Variants in IBTK observed in about 807,000 individuals in gnomAD.
IBTK encodes the protein BTK-binding protein.
A neutral mutation model predicts 154.9 loss-of-function variants in IBTK; 83 were observed. The observed-to-expected ratio is 0.54, with a 90% CI of 0.45 to 0.64. IBTK has a LOEUF of 0.64. Among genes scored for constraint, IBTK ranks in the 30% least tolerant of loss-of-function variants. IBTK has a pLI of 0.00. For synonymous variants in IBTK, 515 were observed against 536.1 expected, an observed-to-expected ratio of 0.96 and a Z score of 0.54; for missense variants, 1,332 against 1,584.6, an observed-to-expected ratio of 0.84 and a Z score of 2.71.
intron 5 of IBTK, among the ~76,000 whole-genome samples, chr6:82,226,276 T>C (rs1325249248): frequency 6.6e-6 from 1 of 152,130 alleles, no homozygotes; most frequent in African/African-American, 2.4e-5. Context: ...GCATAAACAA[T>C]GCTTGGAACA....
intron 6 of IBTK, 46 bp from the exon 7 acceptor site, chr6:82,224,231 C>T (rs1474068068): frequency 2.3e-6 from 3 of 1,332,012 alleles, no homozygotes; most frequent in Admixed American, 1.7e-5. Context: ...TATTTATGAC[C>T]TAGTACAATT....
intron 23 of IBTK, among the ~76,000 whole-genome samples, chr6:82,192,997 T>G (rs1768832811): frequency 1.3e-5 from 2 of 149,338 alleles, no homozygotes; most frequent in South Asian, 2.1e-4. Flanking sequence ...ACTCGGGAGG[T>G]TGAGGCAGGA....
At chr6:82,188,411 T>C (rs1446135090) in intron 25 of IBTK, among the ~76,000 whole-genome samples, 1 of 152,224 alleles carries the variant, frequency 6.6e-6, no homozygotes, top group African/African-American at 2.4e-5. Context: ...TACTCTGTAG[T>C]ATTCTACTAT....
At chr6:82,209,702 T>C (rs997683731) in intron 16 of IBTK, among the ~76,000 whole-genome samples, 8 of 152,208 alleles carry the variant, frequency 5.3e-5, no homozygotes, top group Non-Finnish European at 1.0e-4. Context: ...TTTAAAAGTA[T>C]AAGTTTTATC....
At chr6:82,212,209 C>T (rs1293840313) in intron 13 of IBTK, among the ~76,000 whole-genome samples, 1 of 152,106 alleles carries the variant, frequency 6.6e-6, no homozygotes, top group African/African-American at 2.4e-5. Context: ...GTTAATCAGG[C>T]TCTTGACCTC....
Position 82,234,121 on chromosome 6 carries a change from G to A in IBTK, c.418+38C>T, listed in dbSNP as rs569908483. 3.9e-6 allele frequency: 4 copies of A among 1,037,874 alleles called. No individual in the cohort carries two copies. The African/African-American group carries it at 6.4e-5, about 17-fold the overall frequency. The allele number at this position is 1,037,874 out of a possible 1,614,324, so 64.3% of individuals were successfully genotyped here. On this transcript the variant is annotated intron_variant, in intron 3 of 28. Transcript: ENST00000306270. ...ACCAAATTGCTGGGATTACAGGTGT[G>A]AGCCGCAGCGCCCAGCCCATTTGTG...
chr6:82,239,948 T>C (rs182114568), intron 2 of IBTK, among the ~76,000 whole-genome samples: 7 of 152,348 alleles, frequency 4.6e-5, no homozygotes, highest in East Asian at 1.9e-4. Context: ...TCATTATATA[T>C]AGTAAGCATG....
Position 82,223,442 on chromosome 6 carries a change from A to G in IBTK, c.1122T>C (p.Ser374=). The change falls in exon 8 of 29, where the codon TCT becomes TCC. Residue 374 remains serine, a splice_region_variant and synonymous_variant. Transcript: ENST00000306270. ...LADYQCKKMA[S]KQLNLKKVLV... ...TTCTTTCACAGAAATACACATACTT[A>G]GAAGCCATCTTCTTGCACTGATAGT... The G allele has an allele frequency of 6.2e-7, 1 of 1,609,538 alleles. No individual in the cohort carries two copies.
chr6:82,211,842 T>C (rs933903844), intron 13 of IBTK, among the ~76,000 whole-genome samples: 3 of 152,184 alleles, frequency 2.0e-5, no homozygotes, highest in East Asian at 1.9e-4. Flanking sequence ...GAAAAACTGT[T>C]AATAATATAA....
At chr6:82,214,169 A>C (rs766752669) in intron 12 of IBTK, 58 bp downstream of exon 12, 21 of 1,501,462 alleles carry the variant, frequency 1.4e-5, no homozygotes, top group Non-Finnish European at 1.8e-5. Context: ...AAGGGTGGGA[A>C]ATTTTTTAAA....
At position 82,193,816 on chromosome 6, in the gene IBTK, G is replaced by A. The variant is rs144406253; in HGVS notation, c.3338+663C>T. On this transcript the variant is annotated intron_variant, in intron 23 of 28. Coordinates refer to ENST00000306270, the MANE Select transcript of IBTK (RefSeq NM_015525.4). The stretch of plus-strand genomic sequence containing the variant: ...CCCACCTCAGCCTCCCAAGTAGCTC[G>A]GATTACAAGTGCGTACCACCACGCC... Among the ~76,000 whole-genome samples the A allele has an allele frequency of 4.1e-3, 620 of 152,032 alleles. 1 individual carries two copies. The highest frequency in any genetic ancestry group is 0.014 in the African/African-American group (577 of 41,466).
At chr6:82,220,937 T>TAAACACACAC (rs561940085) in intron 8 of IBTK, among the ~76,000 whole-genome samples, 1 of 130,090 alleles carries the variant, frequency 7.7e-6, no homozygotes, top group East Asian at 2.5e-4. Flanking sequence ...TGACTTTACC[T>TAAACACACAC]ACACACACAC....
At chr6:82,184,403 T>G (rs1768463631) in intron 25 of IBTK, among the ~76,000 whole-genome samples, 1 of 152,216 alleles carries the variant, frequency 6.6e-6, no homozygotes, top group Non-Finnish European at 1.5e-5. Flanking sequence ...AAATGGAATT[T>G]GAAAGAATTT....
At chr6:82,189,266 A>G (rs1259159820) in intron 25 of IBTK, among the ~76,000 whole-genome samples, 1 of 152,004 alleles carries the variant, frequency 6.6e-6, no homozygotes, top group Non-Finnish European at 1.5e-5. Context: ...AGAACATTAG[A>G]GATAAAGAAA....
chr6:82,231,173 C>A (rs1770489594), intron 4 of IBTK, among the ~76,000 whole-genome samples: 1 of 152,152 alleles, frequency 6.6e-6, no homozygotes, highest in Non-Finnish European at 1.5e-5. Context: ...TTCCAGACTG[C>A]TGTCATCCAA....
At chr6:82,230,629 A>G (rs1380138359) in intron 4 of IBTK, among the ~76,000 whole-genome samples, 1 of 152,224 alleles carries the variant, frequency 6.6e-6, no homozygotes, top group East Asian at 1.9e-4. Context: ...GATTTATAAC[A>G]TTAAAAATTG....
At chr6:82,173,573 T>G in intron 26 of IBTK, 135 bp from the exon 27 acceptor site, 1 of 532,686 alleles carries the variant, frequency 1.9e-6, no homozygotes, top group Non-Finnish European at 3.3e-6. Context: ...CAAGCTTACC[T>G]TTAAAATTAT....
chr6:82,235,996 C>T (rs1286635379), intron 2 of IBTK, among the ~76,000 whole-genome samples: 2 of 152,162 alleles, frequency 1.3e-5, no homozygotes, highest in African/African-American at 4.8e-5. Flanking sequence ...GCCGCAGCCT[C>T]CCCCGTAGCT....
In IBTK at chr6:82,202,576, GAC is replaced by G. The variant is rs1769250385; in HGVS notation, c.2679_2680del (p.Ser894LeufsTer14). The G allele has an allele frequency of 2.5e-6, 4 of 1,610,438 alleles. No individual in the cohort carries two copies. The highest frequency in any genetic ancestry group is 3.4e-6 in the Non-Finnish European group (4 of 1,178,112). On this transcript the variant is annotated frameshift_variant, in exon 18 of 29. Transcript: ENST00000306270. LOFTEE classifies it high-confidence loss of function. ...ATTCAATCCTATAAACTGTAAACAA[GAC>G]AGTTTCAACTGTTTTGCACTATACA...
Sources: allele counts gnomAD v4.1 joint callset (sites outside exome capture counted in the v4.1 genomes callset), GRCh38; gene constraint gnomAD v4.1.1; transcripts MANE v1.5; gene names NCBI Gene and HGNC (gene_info 2026-07-23, HGNC 2026-07-21).